MACROD2: variants seen among roughly 807,000 people sequenced by gnomAD.
The protein encoded by MACROD2 is ADP-ribose glycohydrolase MACROD2.
MACROD2 carries 36 observed loss-of-function variants against 70.4 expected under a neutral mutation model. The ratio of observed to expected loss-of-function variants is 0.51; its 90% CI spans 0.39 to 0.68. The LOEUF (loss-of-function observed/expected upper bound fraction) is 0.68, where lower values mean the gene tolerates loss of function less well. Ranked by LOEUF, MACROD2 falls within the 30% of genes least tolerant of loss-of-function variation. The pLI is 0.00. For synonymous variants in MACROD2, 172 were observed against 178.8 expected, an observed-to-expected ratio of 0.96 and a Z score of 0.30; for missense variants, 496 against 538.4, an observed-to-expected ratio of 0.92 and a Z score of 0.78.
intron 4 of MACROD2, among the ~76,000 whole-genome samples, chr20:14,496,315 A>G (rs1486891907): frequency 6.6e-6 from 1 of 152,218 alleles, no homozygotes; most frequent in Non-Finnish European, 1.5e-5. Flanking sequence ...ATGGGACCTA[A>G]GTCCCCTTCT....
intron 16 of MACROD2, among the ~76,000 whole-genome samples, chr20:16,041,915 G>C (rs985160510): frequency 6.6e-6 from 1 of 151,992 alleles, no homozygotes; most frequent in Non-Finnish European, 1.5e-5. Flanking sequence ...TTACATTAGA[G>C]AAACAACTAT....
intron 4 of MACROD2, among the ~76,000 whole-genome samples, chr20:14,512,354 A>G (rs1468174590): frequency 6.6e-6 from 1 of 152,026 alleles, no homozygotes; most frequent in Admixed American, 6.6e-5. Flanking sequence ...CTGTGGAGGA[A>G]TGAGAAGATG....
chr20:14,527,221 G>A (rs1043312844), intron 4 of MACROD2, among the ~76,000 whole-genome samples: 3 of 152,248 alleles, frequency 2.0e-5, no homozygotes, highest in Middle Eastern at 6.8e-3. Context: ...CCGCTGATGT[G>A]CTCCTCTCCA....
chr20:14,259,544 C>CA lies in MACROD2; in HGVS notation c.271+173823dup, dbSNP rs534043105. Reference sequence around the variant, plus strand: ...TTAGTTTCAATGTAACTGGTAAAAACAAAAAAACAGAAAGATGAGCTGTTT... The same window carrying CA: ...TTAGTTTCAATGTAACTGGTAAAAACAAAAAAAACAGAAAGATGAGCTGTTT... On this transcript the variant is annotated intron_variant, in intron 3 of 17. Coordinates refer to ENST00000684519, the MANE Select transcript of MACROD2 (RefSeq NM_001351661.2). Among the ~76,000 whole-genome samples the CA allele has an allele frequency of 3.2e-4, 48 of 151,998 alleles. No individual in the cohort carries two copies. The South Asian group carries it at 5.6e-3, about 18-fold the overall frequency.
chr20:15,809,204 A>G (rs1231066735), intron 8 of MACROD2, among the ~76,000 whole-genome samples: 2 of 152,190 alleles, frequency 1.3e-5, no homozygotes, highest in Non-Finnish European at 2.9e-5. Context: ...AAATCTTACC[A>G]TAACCTGCAA....
chr20:15,774,679 C>T (rs535310901), intron 8 of MACROD2, among the ~76,000 whole-genome samples: 112 of 152,230 alleles, frequency 7.4e-4, no homozygotes, highest in African/African-American at 2.6e-3. Flanking sequence ...TGCACTGTCT[C>T]ACCTGGGCAT....
intron 2 of MACROD2, among the ~76,000 whole-genome samples, chr20:14,026,311 G>A (rs1468582858): frequency 6.6e-6 from 1 of 152,184 alleles, no homozygotes; most frequent in African/African-American, 2.4e-5. Flanking sequence ...GCCAGTCTGT[G>A]TCTTTTAATC....
At chr20:15,301,872 T>G (rs2077647718) in intron 6 of MACROD2, among the ~76,000 whole-genome samples, 1 of 152,178 alleles carries the variant, frequency 6.6e-6, no homozygotes, top group Non-Finnish European at 1.5e-5. Context: ...GCGTCTCATT[T>G]TTCCTCTAAC....
rs541007734 is a variant in MACROD2, at chr20:14,598,242, G to T, written c.302-86601G>T. Reference sequence around the variant, plus strand: ...GCTTAGGCATGTGCAAGTTTCCCTCGTATTTTTTCTGATATTTGTGGTTTA... The same window carrying T: ...GCTTAGGCATGTGCAAGTTTCCCTCTTATTTTTTCTGATATTTGTGGTTTA... On this transcript the variant is annotated intron_variant, in intron 4 of 17. Transcript: ENST00000684519. Among the ~76,000 whole-genome samples, 3 of 152,004 alleles carry T rather than the reference G, an allele frequency of 2.0e-5. No individual in the cohort carries two copies. In the South Asian group the frequency reaches 6.2e-4, roughly 32 times the overall value.
intron 3 of MACROD2, among the ~76,000 whole-genome samples, chr20:14,087,998 CAT>C: frequency 6.6e-6 from 1 of 151,968 alleles, no homozygotes; most frequent in African/African-American, 2.4e-5. Context: ...TATATACACA[CAT>C]ATGTATATGT....
At chr20:14,416,567 C>G (rs1407461779) in intron 3 of MACROD2, among the ~76,000 whole-genome samples, 2 of 152,102 alleles carry the variant, frequency 1.3e-5, no homozygotes, top group Non-Finnish European at 2.9e-5. Context: ...AAAAAAGAGT[C>G]TCTTTGTTTA....
intron 2 of MACROD2, among the ~76,000 whole-genome samples, chr20:14,052,578 G>A (rs2053582099): frequency 6.6e-6 from 1 of 152,030 alleles, no homozygotes; most frequent in Non-Finnish European, 1.5e-5. Flanking sequence ...ATTAACTGGA[G>A]CTCCCTAAGT....
intron 5 of MACROD2, among the ~76,000 whole-genome samples, chr20:14,953,684 A>C (rs1028740): frequency 0.014 from 2,208 of 152,302 alleles, 39 homozygotes; most frequent in Admixed American, 0.038. Flanking sequence ...TGTCACACAG[A>C]ATTCTGTCAA....
At chr20:15,253,179 C>G (rs2077170397) in intron 6 of MACROD2, among the ~76,000 whole-genome samples, 1 of 152,104 alleles carries the variant, frequency 6.6e-6, no homozygotes, top group Non-Finnish European at 1.5e-5. Flanking sequence ...TTTTGGGAGT[C>G]CAGTGGGATG....
At chr20:15,367,284 C>T (rs760893457) in intron 6 of MACROD2, among the ~76,000 whole-genome samples, 13 of 152,076 alleles carry the variant, frequency 8.5e-5, no homozygotes, top group Non-Finnish European at 1.6e-4. Context: ...CCTTAGCCTC[C>T]CAAAGTGCTG....
At chr20:14,690,940 C>T (rs1483653061) in intron 5 of MACROD2, among the ~76,000 whole-genome samples, 3 of 152,168 alleles carry the variant, frequency 2.0e-5, no homozygotes, top group South Asian at 2.1e-4. Flanking sequence ...CTGAGTCAGA[C>T]GGATTCCAGC....
chr20:15,994,560 A>G (rs1291806543), intron 15 of MACROD2, among the ~76,000 whole-genome samples: 1 of 152,210 alleles, frequency 6.6e-6, no homozygotes, highest in African/African-American at 2.4e-5. Flanking sequence ...AAAGTCATCA[A>G]TATCTGTTTT....
chr20:15,680,104 T>C (rs951004290), intron 8 of MACROD2, among the ~76,000 whole-genome samples: 3 of 152,164 alleles, frequency 2.0e-5, no homozygotes, highest in African/African-American at 7.2e-5. Flanking sequence ...ACTGGCATGC[T>C]ATTCCCTGCT....
intron 5 of MACROD2, among the ~76,000 whole-genome samples, chr20:14,963,216 C>G (rs968904231): frequency 5.9e-5 from 9 of 152,092 alleles, no homozygotes; most frequent in African/African-American, 2.2e-4. Context: ...CAGCAGCATC[C>G]AAGTTTAAAT....
Sources: gnomAD v4.1 joint callset for allele counts (sites outside exome capture counted in the v4.1 genomes callset) on GRCh38, gnomAD v4.1.1 for gene constraint, MANE v1.5 for transcripts, NCBI Gene and HGNC (gene_info 2026-07-23, HGNC 2026-07-21) for gene names.